The following DENND2D variants were observed in gnomAD, a reference collection of about 807,000 sequenced individuals.
The protein encoded by DENND2D is DENN domain containing 2D.
A neutral mutation model predicts 59.8 loss-of-function variants in DENND2D; 37 were observed. The observed-to-expected ratio is 0.62, with a 90% CI of 0.48 to 0.81. The LOEUF is 0.81. Ranked by LOEUF, DENND2D falls within the 40% of genes least tolerant of loss-of-function variation. The pLI is 0.00. For synonymous variants in DENND2D, 219 were observed against 211.3 expected, an observed-to-expected ratio of 1.04 and a Z score of -0.31; for missense variants, 525 against 579.7, an observed-to-expected ratio of 0.91 and a Z score of 0.97.
chr1:111,197,626 CA>C, intron 4 of DENND2D: 1 of 1,357,830 alleles, frequency 7.4e-7, no homozygotes, highest in Non-Finnish European at 9.5e-7. Context: ...TGGGAGGCTC[CA>C]GGGGCCAAGG....
At position 111,197,450 on chromosome 1, in the gene DENND2D, G is replaced by A. The variant is rs149100029; in HGVS notation, c.427-197C>T. The A allele has an allele frequency of 1.8e-4, 258 of 1,429,700 alleles. 1 individual carries two copies. The East Asian group carries it at 5.6e-3, about 31-fold the overall frequency. 88.6% of individuals were successfully genotyped at this position (1,429,700 alleles called of 1,614,324 possible). On this transcript the variant is annotated intron_variant, in intron 4 of 11. Coordinates refer to ENST00000357640, the MANE Select transcript of DENND2D (RefSeq NM_024901.5). ...GTACTGGGTGAGTTGGTGGGCAAGC[G>A]CTGCCACCTTCAGTGCCAGCACAAT...
At position 111,194,694 on chromosome 1, in the gene DENND2D, G is replaced by A; in HGVS notation, c.678C>T (p.His226=). ...FISLTRPLDS[H]LEHVDFSSLL... is the part of the protein sequence containing the mutation. ...GAGAACTAAAATCCACATGTTCTAG[G>A]TGGGAGTCCAGGGGCCGTGTCAGTG... Residue 226 remains histidine, a synonymous_variant, in exon 7 of 12, where the codon CAC becomes CAT. Transcript: ENST00000357640. 6.2e-7 allele frequency: 1 copy of A among 1,614,096 alleles called. No individual in the cohort carries two copies. The highest frequency in any genetic ancestry group is 8.5e-7 in the Non-Finnish European group (1 of 1,180,016).
At chr1:111,188,482 G>A in intron 10 of DENND2D, 112 bp from the exon 11 acceptor site, 2 of 1,469,396 alleles carry the variant, frequency 1.4e-6, no homozygotes, top group Non-Finnish European at 1.8e-6. Flanking sequence ...AAAGCCATAG[G>A]GTAGGGTTCA....
chr1:111,187,710 C>A (rs1336236801), intron 11 of DENND2D, 29 bp from the exon 12 acceptor site: 4 of 1,562,230 alleles, frequency 2.6e-6, no homozygotes, highest in South Asian at 2.2e-5. Context: ...GTGTTAGAGG[C>A]ATCTGATCTG....
At chr1:111,196,253 T>TATC in intron 5 of DENND2D, 197 bp from the exon 6 acceptor site, 1 of 546,028 alleles carries the variant, frequency 1.8e-6, no homozygotes, top group Non-Finnish European at 3.1e-6. Context: ...ATCTGCAGTT[T>TATC]ATCTCCCACA....
Position 111,190,130 on chromosome 1 carries a change from C to G in DENND2D, c.973-877G>C, listed in dbSNP as rs1187443505. Among the ~76,000 whole-genome samples the G allele has an allele frequency of 8.2e-5, 12 of 146,934 alleles. No individual in the cohort carries two copies. The East Asian group carries it at 1.4e-3, about 17-fold the overall frequency. On this transcript the variant is annotated intron_variant, in intron 8 of 11. Transcript: ENST00000357640. ...GGTGAGCCGAGATCGCGCCACTGCACTCCAGCCTGGGCGACACAGCGAGAC... is the reference window on the plus strand; with the variant it reads ...GGTGAGCCGAGATCGCGCCACTGCAGTCCAGCCTGGGCGACACAGCGAGAC...
chr1:111,189,392 T>C, intron 8 of DENND2D, 139 bp from the exon 9 acceptor site: 3 of 795,052 alleles, frequency 3.8e-6, no homozygotes, highest in Non-Finnish European at 6.2e-6. Flanking sequence ...TCTCATTTCC[T>C]ATCTAGCATT....
intron 7 of DENND2D, among the ~76,000 whole-genome samples, 192 bp from the exon 8 acceptor site, chr1:111,192,509 G>A (rs1005565743): frequency 2.0e-5 from 3 of 152,296 alleles, no homozygotes; most frequent in Admixed American, 2.0e-4. Flanking sequence ...AAACTAGAGA[G>A]TCTGAGGCTT....
rs771044542 is a variant in DENND2D, at chr1:111,197,161, G to A, written c.504+15C>T. 1.9e-6 allele frequency: 3 copies of A among 1,612,066 alleles called. No homozygotes were observed. In the South Asian group the frequency reaches 3.3e-5, roughly 18 times the overall value. On this transcript the variant is annotated intron_variant, in intron 5 of 11. Transcript: ENST00000357640. ...GCCTGGAATATGGGCAGGCCCTGAG[G>A]AATCCTATCCCTACCTTGGAGAACA...
intron 8 of DENND2D, 131 bp downstream of exon 8, chr1:111,192,009 G>C (rs151121538): frequency 1.1e-6 from 1 of 876,986 alleles, no homozygotes; most frequent in Non-Finnish European, 1.6e-6. Context: ...CCCCATTTTA[G>C]AGATGAGAAA....
At chr1:111,192,360 C>T in intron 7 of DENND2D, 43 bp from the exon 8 acceptor site, 4 of 1,512,898 alleles carry the variant, frequency 2.6e-6, no homozygotes, top group African/African-American at 1.4e-5. Context: ...GGCCCCTGCA[C>T]CACCATGCTA....
chr1:111,191,269 TG>T (rs1171450881), intron 8 of DENND2D, among the ~76,000 whole-genome samples: 13 of 152,122 alleles, frequency 8.5e-5, no homozygotes. Context: ...TTTGCAGCAA[TG>T]GTTTCTATAG....
intron 6 of DENND2D, 65 bp downstream of exon 6, chr1:111,195,851 T>G: frequency 6.2e-7 from 1 of 1,605,470 alleles, no homozygotes; most frequent in Non-Finnish European, 8.5e-7. Context: ...AGAACAGTGG[T>G]GAGAGGTGCC....
chr1:111,190,327 G>A (rs1657660443), intron 8 of DENND2D, among the ~76,000 whole-genome samples: 1 of 152,122 alleles, frequency 6.6e-6, no homozygotes, highest in African/African-American at 2.4e-5. Context: ...CTGGAACTTG[G>A]GGGACCTGAG....
rs113949764 is a variant in DENND2D at position 111,190,895 on chromosome 1, C to T, written c.972+1245G>A. ...ATGCCTTCATGAAGGGAAGACTGTT[C>T]CTTTGAGGGATTGGGGGGAGAGAGT... On this transcript the variant is annotated intron_variant, in intron 8 of 11. Coordinates refer to ENST00000357640, the MANE Select transcript of DENND2D (RefSeq NM_024901.5). 6.9e-3 allele frequency among the ~76,000 whole-genome samples: 1,057 copies of T among 152,278 alleles called. 14 individuals carry two copies. Among genetic ancestry groups the T allele is most frequent in the African/African-American group, 0.023 (940 of 41,548 alleles).
chr1:111,198,000 G>C lies in DENND2D; in HGVS notation c.357-11C>G. On this transcript the variant is annotated splice_polypyrimidine_tract_variant and intron_variant, in intron 3 of 11. Transcript: ENST00000357640. ...AAGGAGAAGGTCTCCCTAAGAAAGA[G>C]CAGACAAGGCTTGATTTGTATTGCT... The C allele has an allele frequency of 6.2e-7, 1 of 1,613,446 alleles. No individual in the cohort carries two copies. The highest frequency in any genetic ancestry group is 8.5e-7 in the Non-Finnish European group (1 of 1,179,594).
At chr1:111,188,664 A>C in intron 10 of DENND2D, 38 bp downstream of exon 10, 1 of 1,553,456 alleles carries the variant, frequency 6.4e-7, no homozygotes. Flanking sequence ...ATGCCCTTGC[A>C]CTGCCTGGAG....
In DENND2D at chr1:111,194,841, C is replaced by T. The variant is rs551440081; in HGVS notation, c.646-115G>A. The T allele has an allele frequency of 7.6e-6, 9 of 1,187,124 alleles. No homozygotes were observed. In the African/African-American group the frequency reaches 7.6e-5, roughly 10 times the overall value. The allele number at this position is 1,187,124 out of a possible 1,614,324, so 73.5% of individuals were successfully genotyped here. On this transcript the variant is annotated intron_variant, in intron 6 of 11. Transcript: ENST00000357640. ...TTCTGCCCCCAGGAGTGAATCTGGCCCTGTCTCTCTGTCCCCCTGCTAATT... is the reference window on the plus strand; with the variant it reads ...TTCTGCCCCCAGGAGTGAATCTGGCTCTGTCTCTCTGTCCCCCTGCTAATT...
At position 111,187,188 on chromosome 1, in the gene DENND2D, T is replaced by C. The variant is rs1657301019; in HGVS notation, c.*417A>G. The C allele has an allele frequency of 1.2e-5, 2 of 161,234 alleles. No individual in the cohort carries two copies. Among genetic ancestry groups the C allele is most frequent in the Admixed American group, 6.2e-5 (1 of 16,186 alleles). 10.0% of individuals were successfully genotyped at this position (161,234 alleles called of 1,614,324 possible). ...AAAGACACATATAAAAATAAGATTT[T>C]CCTCTTTACTCTCGTCCTTACATGT... On this transcript the variant is annotated 3_prime_UTR_variant, in exon 12 of 12. Coordinates refer to ENST00000357640, the MANE Select transcript of DENND2D (RefSeq NM_024901.5).
Sources: gnomAD v4.1 joint callset for allele counts (sites outside exome capture counted in the v4.1 genomes callset) on GRCh38, gnomAD v4.1.1 for gene constraint, MANE v1.5 for transcripts, NCBI Gene and HGNC (gene_info 2026-07-23, HGNC 2026-07-21) for gene names.